OXSM: variants seen among roughly 807,000 people sequenced by gnomAD.
The protein encoded by OXSM is 3-oxoacyl-ACP synthase, mitochondrial.
OXSM carries 19 observed loss-of-function variants against 29.2 expected under a neutral mutation model. The ratio of observed to expected loss-of-function variants is 0.65; its 90% confidence interval spans 0.45 to 0.96. The LOEUF is 0.96. Ranked by LOEUF, OXSM falls within the 40% of genes least tolerant of loss-of-function variation. The pLI is 0.00. For missense variants in OXSM, 554 were observed against 551.3 expected, an observed-to-expected ratio of 1.00 and a Z score of -0.05; for synonymous variants, 178 against 197.1, an observed-to-expected ratio of 0.90 and a Z score of 0.81.
intron 1 of OXSM, among the ~76,000 whole-genome samples, 169 bp downstream of exon 1, chr3:25,790,316 C>T (rs1708705341): frequency 6.6e-6 from 1 of 152,172 alleles, no homozygotes; most frequent in Admixed American, 6.5e-5. Flanking sequence ...AGAGGCGATA[C>T]AGGGAATGGC....
At position 25,791,040 on chromosome 3, in the gene OXSM, A is replaced by C; in HGVS notation, c.20A>C (p.Asn7Thr). 1.2e-6 allele frequency: 2 copies of C among 1,611,652 alleles called. No individual in the cohort carries two copies. The highest frequency in any genetic ancestry group is 1.7e-6 in the Non-Finnish European group (2 of 1,178,024). Residue 7 changes from asparagine (N) to threonine (T), a missense_variant, in exon 2 of 3, where the codon AAT becomes ACT. Physicochemically the swap from Asn to Thr is moderately conservative, Grantham distance 65 (BLOSUM62 0). Transcript: ENST00000280701. ...TTAATCATGTCCAACTGCCTGCAAAATTTCCTGAAAATTACAAGCACTCGT... is the reference window on the plus strand; with the variant it reads ...TTAATCATGTCCAACTGCCTGCAAACTTTCCTGAAAATTACAAGCACTCGT... MSNCLQNFLKITSTRLL... is the reference protein window; with the variant it reads MSNCLQTFLKITSTRLL...
Position 25,790,161 on chromosome 3 carries a change from C to A in OXSM, c.-32+14C>A. On this transcript the variant is annotated intron_variant, in intron 1 of 2. Transcript: ENST00000280701. ...GCCCCGTTACAGGTATCGCTGGCTACCCTCCTCCTTCGCCCCTCCTTTCCT... is the reference window on the plus strand; with the variant it reads ...GCCCCGTTACAGGTATCGCTGGCTAACCTCCTCCTTCGCCCCTCCTTTCCT... 2.0e-6 allele frequency: 1 copy of A among 500,022 alleles called. No homozygotes were observed. Among genetic ancestry groups the A allele is most frequent in the East Asian group, 3.2e-5 (1 of 30,868 alleles). 31.0% of individuals were successfully genotyped at this position (500,022 alleles called of 1,614,324 possible). A position where few individuals can be genotyped will look rare whatever the true frequency, so the allele number is the denominator to read the frequency against.
Position 25,791,354 on chromosome 3 carries a change from A to G in OXSM, c.334A>G (p.Ile112Val). 1 of 1,614,200 alleles carries G rather than the reference A, an allele frequency of 6.2e-7. No homozygotes were observed. Among genetic ancestry groups the G allele is most frequent in the Non-Finnish European group, 8.5e-7 (1 of 1,180,026 alleles). ...NEQNFVSKSD[I>V]KSMSSPTIMA... ...ACAAAACTTTGTGTCCAAATCAGAT[A>G]TCAAGTCCATGTCTTCTCCCACCAT... Residue 112 changes from isoleucine (I) to valine (V), a missense_variant, in exon 2 of 3, where the codon ATC becomes GTC. Transcript: ENST00000280701.
In OXSM at chr3:25,791,803, G is replaced by A. The variant is rs765042810; in HGVS notation, c.783G>A (p.Lys261=). 1 of 1,614,178 alleles carries A rather than the reference G, an allele frequency of 6.2e-7. No individual in the cohort carries two copies. ...ARALSTNSDP[K]LACRPFHPKR... is the part of the protein sequence containing the mutation. ...CTCTGAGCACAAACTCAGATCCCAA[G>A]TTGGCATGTCGACCATTTCATCCAA... Residue 261 remains lysine, a synonymous_variant, in exon 2 of 3, where the codon AAG becomes AAA. Coordinates refer to ENST00000280701, the MANE Select transcript of OXSM (RefSeq NM_017897.3).
In OXSM at chr3:25,791,689, A is replaced by G. The variant is rs1323223292; in HGVS notation, c.669A>G (p.Ile223Met). Residue 223 changes from isoleucine to methionine, a missense_variant, in exon 2 of 3, where the codon ATA (isoleucine) becomes ATG (methionine). By Grantham distance (10) the Ile-to-Met change is conservative. Coordinates refer to ENST00000280701, the MANE Select transcript of OXSM (RefSeq NM_017897.3). ...AHAVGDSFRF[I>M]AHGDADVMVA... Reference sequence around the variant, plus strand: ...CTGTGGGAGACTCATTTAGATTTATAGCCCATGGTGATGCTGATGTGATGG... The same window carrying G: ...CTGTGGGAGACTCATTTAGATTTATGGCCCATGGTGATGCTGATGTGATGG... 15 of 1,614,136 alleles carry G rather than the reference A, an allele frequency of 9.3e-6. No individual in the cohort carries two copies. Among genetic ancestry groups the G allele is most frequent in the Non-Finnish European group, 1.3e-5 (15 of 1,179,978 alleles).
In OXSM at chr3:25,791,193, G is replaced by C; in HGVS notation, c.173G>C (p.Gly58Ala). The change falls in exon 2 of 3, where the codon GGA (glycine) becomes GCA (alanine). Residue 58 changes from glycine to alanine, a missense_variant. Gly to Ala is a moderately conservative substitution (Grantham distance 60). Transcript: ENST00000280701. ...GIGLVTPLGV[G>A]THLVWDRLIG... ...GGCTTAGTGACTCCTCTTGGTGTTG[G>C]AACTCACCTGGTTTGGGATCGTCTT... The C allele has an allele frequency of 6.2e-7, 1 of 1,614,190 alleles. No homozygotes were observed.
chr3:25,793,957 C>G, intron 2 of OXSM, 135 bp from the exon 3 acceptor site: 1 of 712,378 alleles, frequency 1.4e-6, no homozygotes, highest in Middle Eastern at 3.8e-4. Flanking sequence ...GATAGTGTTC[C>G]GTTACTAGAG....
chr3:25,791,661 A>G lies in OXSM; in HGVS notation c.641A>G (p.His214Arg). 1 of 1,613,902 alleles carries G rather than the reference A, an allele frequency of 6.2e-7. No individual in the cohort carries two copies. The highest frequency in any genetic ancestry group is 1.3e-5 in the African/African-American group (1 of 75,054). ...AVSTACTTGA[H>R]AVGDSFRFIA... ...TCCACAGCCTGTACCACAGGAGCTC[A>G]TGCTGTGGGAGACTCATTTAGATTT... Residue 214 changes from histidine to arginine, a missense_variant, in exon 2 of 3, where the codon CAT becomes CGT. Physicochemically the swap from His to Arg is conservative, Grantham distance 29 (BLOSUM62 0). Coordinates refer to ENST00000280701, the MANE Select transcript of OXSM (RefSeq NM_017897.3).
rs370766105 is a variant in OXSM, at chr3:25,791,129, A to G, written c.109A>G (p.Ile37Val). 1.5e-5 allele frequency: 25 copies of G among 1,614,242 alleles called. 1 individual carries two copies. The African/African-American group carries it at 2.4e-4, about 15-fold the overall frequency. Reference sequence around the variant, plus strand: ...AAGGAAGTTTTTCGGAACTGTGCCAATATCCAGATTGCATAGGCGAGTTGT... The same window carrying G: ...AAGGAAGTTTTTCGGAACTGTGCCAGTATCCAGATTGCATAGGCGAGTTGT... Reference protein sequence around the residue: ...SKRKFFGTVPISRLHRRVVIT... With the variant: ...SKRKFFGTVPVSRLHRRVVIT... The change falls in exon 2 of 3, where the codon ATA becomes GTA. Residue 37 changes from isoleucine (I) to valine (V), a missense_variant. Transcript: ENST00000280701.
chr3:25,794,399 G>C lies in OXSM; in HGVS notation c.1285G>C (p.Ala429Pro). The change falls in exon 3 of 3, where the codon GCA (alanine) becomes CCA (proline). Residue 429 changes from alanine (A) to proline (P), a missense_variant. Transcript: ENST00000280701. ...EFDLNYVPLK[A>P]QEWKTEKRFI... ...TGATCTCAACTATGTTCCACTAAAGGCACAGGAATGGAAAACTGAGAAAAG... is the reference window on the plus strand; with the variant it reads ...TGATCTCAACTATGTTCCACTAAAGCCACAGGAATGGAAAACTGAGAAAAG... 6.2e-7 allele frequency: 1 copy of C among 1,614,090 alleles called. No homozygotes were observed. Among genetic ancestry groups the C allele is most frequent in the Non-Finnish European group, 8.5e-7 (1 of 1,179,942 alleles).
rs1223680812 is a variant in OXSM, at chr3:25,791,846, A to G, written c.826A>G (p.Met276Val). ...TCATCCAAAGAGAGATGGTTTTGTA[A>G]TGGGAGAAGGTGCAGCTGTGCTGGT... ...PFHPKRDGFV[M>V]GEGAAVLVLE... Residue 276 changes from methionine (M) to valine (V), a missense_variant, in exon 2 of 3, where the codon ATG (methionine) becomes GTG (valine). By Grantham distance (21) the Met-to-Val change is conservative. Transcript: ENST00000280701. 1.1e-5 allele frequency: 17 copies of G among 1,613,868 alleles called. No homozygotes were observed. The Admixed American group carries it at 2.3e-4, about 22-fold the overall frequency.
In OXSM at chr3:25,792,084, C is replaced by T. The variant is rs926679752; in HGVS notation, c.977+87C>T. 1.3e-5 allele frequency: 15 copies of T among 1,126,808 alleles called. No homozygotes were observed. In the South Asian group the frequency reaches 1.9e-4, roughly 15 times the overall value. 69.8% of individuals were successfully genotyped at this position (1,126,808 alleles called of 1,614,324 possible). Reference sequence around the variant, plus strand: ...AAATTAGGGAAGTTGTAGTGTCTGGCCTTGGTGTACAGTATCTCTGTTGTT... The same window carrying T: ...AAATTAGGGAAGTTGTAGTGTCTGGTCTTGGTGTACAGTATCTCTGTTGTT... On this transcript the variant is annotated intron_variant, in intron 2 of 2. Coordinates refer to ENST00000280701, the MANE Select transcript of OXSM (RefSeq NM_017897.3).
chr3:25,790,728 T>C (rs1379962421), intron 1 of OXSM: 7 of 301,230 alleles, frequency 2.3e-5, no homozygotes, highest in South Asian at 1.4e-4. Context: ...ATATTTTTCA[T>C]TGAATTACTG....
rs1708836177 is a variant in OXSM at position 25,794,493 on chromosome 3, A to G, written c.1379A>G (p.Ter460TrpextTer3). The G allele has an allele frequency of 6.4e-7, 1 of 1,573,510 alleles. No individual in the cohort carries two copies. The highest frequency in any genetic ancestry group is 1.4e-5 in the African/African-American group (1 of 73,108). The change falls in exon 3 of 3, where the codon TAG (stop) becomes TGG (tryptophan). Residue 460 changes from the stop codon to tryptophan (W), a stop_lost. Transcript: ENST00000280701. ...GCAACACTTTGTATTGCTGGACTGT[A>G]GAACATATAATTTGTAATTAAATAC... ...TNATLCIAGL[*>W]
In OXSM at chr3:25,791,168, G is replaced by A. The variant is rs1708736818; in HGVS notation, c.148G>A (p.Gly50Ser). 6.2e-7 allele frequency: 1 copy of A among 1,614,048 alleles called. No homozygotes were observed. Among genetic ancestry groups the A allele is most frequent in the Admixed American group, 1.7e-5 (1 of 60,010 alleles). ...LHRRVVITGI[G>S]LVTPLGVGTH... is the part of the protein sequence containing the mutation. ...TAGGCGAGTTGTCATTACAGGCATT[G>A]GCTTAGTGACTCCTCTTGGTGTTGG... Residue 50 changes from glycine (G) to serine (S), a missense_variant, in exon 2 of 3, where the codon GGC (glycine) becomes AGC (serine). Physicochemically the swap from Gly to Ser is moderately conservative, Grantham distance 56. Coordinates refer to ENST00000280701, the MANE Select transcript of OXSM (RefSeq NM_017897.3).
At chr3:25,793,599 A>G (rs182917958) in intron 2 of OXSM, among the ~76,000 whole-genome samples, 2 of 152,332 alleles carry the variant, frequency 1.3e-5, no homozygotes, top group East Asian at 3.9e-4. Flanking sequence ...TATAGCCTAA[A>G]TAAAGAGGAT....
At position 25,791,388 on chromosome 3, in the gene OXSM, T is replaced by A; in HGVS notation, c.368T>A (p.Ile123Asn). ...KSMSSPTIMA[I>N]GAAELAMKDS... is the part of the protein sequence containing the mutation. ...ATGTCTTCTCCCACCATCATGGCCA[T>A]TGGGGCTGCAGAATTAGCCATGAAG... Residue 123 changes from isoleucine (I) to asparagine (N), a missense_variant, in exon 2 of 3, where the codon ATT (isoleucine) becomes AAT (asparagine). By Grantham distance (149) the Ile-to-Asn change is moderately radical. Transcript: ENST00000280701. 1 of 1,614,166 alleles carries A rather than the reference T, an allele frequency of 6.2e-7. No individual in the cohort carries two copies. Among genetic ancestry groups the A allele is most frequent in the South Asian group, 1.1e-5 (1 of 91,084 alleles).
chr3:25,794,228 T>A lies in OXSM; in HGVS notation c.1114T>A (p.Tyr372Asn), dbSNP rs750853865. Residue 372 changes from tyrosine (Y) to asparagine (N), a missense_variant, in exon 3 of 3, where the codon TAT becomes AAT. Tyr to Asn is a moderately radical substitution (Grantham distance 143). Coordinates refer to ENST00000280701, the MANE Select transcript of OXSM (RefSeq NM_017897.3). ...CAAACATCTCTTCAAAGACCATGCA[T>A]ATGCCCTTGCAGTTTCCTCAACTAA... ...AIKHLFKDHA[Y>N]ALAVSSTKGA... is the part of the protein sequence containing the mutation. 6.2e-7 allele frequency: 1 copy of A among 1,614,256 alleles called. No individual in the cohort carries two copies. Among genetic ancestry groups the A allele is most frequent in the South Asian group, 1.1e-5 (1 of 91,088 alleles).
chr3:25,792,026 T>C, intron 2 of OXSM, 29 bp downstream of exon 2: 1 of 1,562,800 alleles, frequency 6.4e-7, no homozygotes, highest in Non-Finnish European at 8.6e-7. Flanking sequence ...CTTCGAAATA[T>C]TTCTTCAAAT....
Sources: allele counts gnomAD v4.1 joint callset (sites outside exome capture counted in the v4.1 genomes callset), GRCh38; gene constraint gnomAD v4.1.1; transcripts MANE v1.5; gene names NCBI Gene and HGNC (gene_info 2026-07-23, HGNC 2026-07-21).